The following KIAA0232 variants were observed in gnomAD, a reference collection of about 807,000 sequenced individuals.
The protein encoded by KIAA0232 is KIAA0232.
Under a neutral mutation model 122.0 loss-of-function variants are expected in KIAA0232, and 27 were observed. That is an observed-to-expected ratio of 0.22 (90% CI 0.16 to 0.31). KIAA0232 has a LOEUF of 0.31. Ranked by LOEUF, KIAA0232 falls within the 10% of genes least tolerant of loss-of-function variation. The pLI, the probability that KIAA0232 is intolerant of heterozygous loss-of-function variation, is 1.00. For missense variants in KIAA0232, 1,551 were observed against 1,634.2 expected, an observed-to-expected ratio of 0.95 and a Z score of 0.88; for synonymous variants, 613 against 587.6, an observed-to-expected ratio of 1.04 and a Z score of -0.63.
chr4:6,813,397 C>T (rs1423818688), intron 2 of KIAA0232, among the ~76,000 whole-genome samples: 4 of 149,824 alleles, frequency 2.7e-5, no homozygotes, highest in African/African-American at 7.4e-5. Flanking sequence ...GAGTCTCGCT[C>T]TGTTGCCCAG....
chr4:6,849,529 T>C (rs1205382289), intron 4 of KIAA0232, among the ~76,000 whole-genome samples: 1 of 152,164 alleles, frequency 6.6e-6, no homozygotes, highest in Non-Finnish European at 1.5e-5. Flanking sequence ...GACAGGAGAA[T>C]CACTTGAACC....
chr4:6,866,947 A>C (rs1362029467), intron 7 of KIAA0232, among the ~76,000 whole-genome samples: 1 of 152,244 alleles, frequency 6.6e-6, no homozygotes, highest in East Asian at 1.9e-4. Context: ...GTGTACATAC[A>C]CAGTGAAAGG....
At chr4:6,825,789 A>G (rs1718646769) in intron 3 of KIAA0232, among the ~76,000 whole-genome samples, 2 of 152,176 alleles carry the variant, frequency 1.3e-5, no homozygotes, top group Non-Finnish European at 2.9e-5. Context: ...AGTAAAAAGA[A>G]GGAGGTATTT....
chr4:6,805,473 C>T (rs1717574505), intron 2 of KIAA0232, among the ~76,000 whole-genome samples: 1 of 152,104 alleles, frequency 6.6e-6, no homozygotes, highest in Admixed American at 6.5e-5. Context: ...TTTTGGAGAA[C>T]TATAATTTGT....
At chr4:6,845,004 A>G (rs1037761606) in intron 4 of KIAA0232, among the ~76,000 whole-genome samples, 3 of 152,208 alleles carry the variant, frequency 2.0e-5, no homozygotes, top group South Asian at 4.1e-4. Flanking sequence ...CCAAGCTACA[A>G]TCTCTCATTT....
rs1721778167 is a variant in KIAA0232 at position 6,876,754 on chromosome 4, T to C, written c.4005T>C (p.Asn1335=). 3.1e-6 allele frequency: 5 copies of C among 1,596,254 alleles called. No individual in the cohort carries two copies. Among genetic ancestry groups the C allele is most frequent in the Middle Eastern group, 1.7e-4 (1 of 6,030 alleles). ...PSNEERLLDF[N]RVSSVYEARC... is the part of the protein sequence containing the mutation. ...ATGAAGAGCGCCTGTTAGATTTTAA[T>C]AGGGTAAGTGGACTGTCCTCCTCCT... Residue 1335 remains asparagine (N), a synonymous_variant, in exon 9 of 10, where the codon AAT becomes AAC. Coordinates refer to ENST00000307659, the MANE Select transcript of KIAA0232 (RefSeq NM_014743.3).
rs578212667 is a variant in KIAA0232, at chr4:6,809,397, C to T, written c.-270+4791C>T. 2.2e-4 allele frequency among the ~76,000 whole-genome samples: 33 copies of T among 152,308 alleles called. No homozygotes were observed. In the South Asian group the frequency reaches 5.8e-3, roughly 27 times the overall value. On this transcript the variant is annotated intron_variant, in intron 2 of 9. Coordinates refer to ENST00000307659, the MANE Select transcript of KIAA0232 (RefSeq NM_014743.3). The stretch of plus-strand genomic sequence containing the variant: ...GAGGAAGCATTCAAAGTACCAGTGC[C>T]AGCTTTGGTGCAGATCTTATTTTCT...
chr4:6,857,219 A>G lies in KIAA0232; in HGVS notation c.425A>G (p.Gln142Arg). The G allele has an allele frequency of 2.5e-6, 4 of 1,612,270 alleles. No homozygotes were observed. The highest frequency in any genetic ancestry group is 3.4e-6 in the Non-Finnish European group (4 of 1,179,088). ...CTCTGCTCCAGACTGAAAGACCTTC[A>G]GAGTAAGCAAGGTGAGGTCAAAAGC... ...EELCSRLKDL[Q>R]SKQEEKIHKK... is the part of the protein sequence containing the mutation. Residue 142 changes from glutamine (Q) to arginine (R), a missense_variant, in exon 5 of 10, where the codon CAG (glutamine) becomes CGG (arginine). By Grantham distance (43) the Gln-to-Arg change is conservative. This residue lies in a region of KIAA0232 where 377 missense variants were observed against 381.7 expected (regional missense o/e 0.99). Transcript: ENST00000307659.
chr4:6,818,401 A>G (rs1331278804), intron 2 of KIAA0232, among the ~76,000 whole-genome samples: 1 of 106,030 alleles, frequency 9.4e-6, no homozygotes, highest in Non-Finnish European at 2.3e-5. Flanking sequence ...CTCCGTCTCA[A>G]AAAAAAAAAA....
At chr4:6,801,642 C>T (rs1053526926) in intron 1 of KIAA0232, among the ~76,000 whole-genome samples, 1 of 151,762 alleles carries the variant, frequency 6.6e-6, no homozygotes, top group South Asian at 2.1e-4. Context: ...TATGATTGCT[C>T]CACTGCACTC....
rs566159172 is a variant in KIAA0232 at position 6,857,758 on chromosome 4, C to G, written c.436+528C>G. ...TATTTAGTTATTTCGATATATGAAT[C>G]CTCCTCATACTTTTTCTAACTTGTT... is the stretch of plus-strand genomic sequence containing the variant. On this transcript the variant is annotated intron_variant, in intron 5 of 9. Transcript: ENST00000307659. Among the ~76,000 whole-genome samples the G allele has an allele frequency of 4.6e-5, 7 of 152,276 alleles. No homozygotes were observed. In the East Asian group the frequency reaches 1.4e-3, roughly 29 times the overall value.
chr4:6,841,950 C>T (rs1719684620), intron 3 of KIAA0232, 117 bp from the exon 4 acceptor site: 1 of 1,191,924 alleles, frequency 8.4e-7, no homozygotes. Flanking sequence ...ACAAGCCGAT[C>T]CTAAAACTCG....
At chr4:6,864,515 G>T (rs1721063433) in intron 7 of KIAA0232, among the ~76,000 whole-genome samples, 1 of 152,024 alleles carries the variant, frequency 6.6e-6, no homozygotes, top group Non-Finnish European at 1.5e-5. Context: ...GAAGTGGGTA[G>T]ATCATTTGAG....
chr4:6,790,481 A>T (rs1269339809), intron 1 of KIAA0232, among the ~76,000 whole-genome samples: 3 of 145,376 alleles, frequency 2.1e-5, no homozygotes, highest in African/African-American at 2.6e-5. Flanking sequence ...TACAGCCAGG[A>T]CCTCCTGGGC....
At chr4:6,818,693 A>G (rs1450223695) in intron 2 of KIAA0232, among the ~76,000 whole-genome samples, 2 of 151,746 alleles carry the variant, frequency 1.3e-5, no homozygotes, top group Non-Finnish European at 2.9e-5. Flanking sequence ...TACTAATGTC[A>G]TTTTTCACAG....
At chr4:6,870,255 T>A (rs1721401949) in intron 7 of KIAA0232, among the ~76,000 whole-genome samples, 1 of 152,156 alleles carries the variant, frequency 6.6e-6, no homozygotes, top group Non-Finnish European at 1.5e-5. Flanking sequence ...GACTTGAGAA[T>A]CCCACTGGGA....
intron 1 of KIAA0232, among the ~76,000 whole-genome samples, chr4:6,785,522 TGTC>T (rs541521692): frequency 2.6e-5 from 4 of 152,326 alleles, no homozygotes; most frequent in African/African-American, 7.2e-5. Flanking sequence ...AGACGTGAAA[TGTC>T]GTCAAGACTC....
chr4:6,797,793 C>T (rs1303452789), intron 1 of KIAA0232, among the ~76,000 whole-genome samples: 3 of 148,760 alleles, frequency 2.0e-5, no homozygotes, highest in African/African-American at 7.4e-5. Context: ...AAAAAAAGGC[C>T]GGGCGCGGTG....
intron 4 of KIAA0232, among the ~76,000 whole-genome samples, chr4:6,850,703 C>G (rs1373921346): frequency 6.7e-6 from 1 of 149,636 alleles, no homozygotes; most frequent in Non-Finnish European, 1.5e-5. Flanking sequence ...GAGTCTCGCT[C>G]TGTGCCAGGC....
Sources: gnomAD v4.1 joint callset for allele counts (sites outside exome capture counted in the v4.1 genomes callset) on GRCh38, gnomAD v4.1.1 for gene constraint, gnomAD v4.1.1 regional missense constraint, MANE v1.5 for transcripts, NCBI Gene and HGNC (gene_info 2026-07-23, HGNC 2026-07-21) for gene names.